Variants in GSDMB observed in about 807,000 individuals in gnomAD.
GSDMB encodes the protein gasdermin-B.
In GSDMB, 32 loss-of-function variants were observed where a neutral mutation model predicts 42.9. That is an observed-to-expected ratio of 0.75 (90% CI 0.56 to 1.00). The LOEUF (loss-of-function observed/expected upper bound fraction) is 1.00, where lower values mean the gene tolerates loss of function less well. Ranked by LOEUF, GSDMB falls within the 50% of genes least tolerant of loss-of-function variation. GSDMB has a pLI of 0.00. For missense variants in GSDMB, 468 were observed against 498.5 expected, an observed-to-expected ratio of 0.94 and a Z score of 0.58; for synonymous variants, 175 against 193.7, an observed-to-expected ratio of 0.90 and a Z score of 0.80.
In GSDMB at chr17:39,917,283, C is replaced by T. The variant is rs150365108; in HGVS notation, c.34G>A (p.Val12Ile). The change falls in exon 2 of 11, where the codon GTA becomes ATA. Residue 12 changes from valine (V) to isoleucine (I), a missense_variant. By Grantham distance (29) the Val-to-Ile change is conservative. Coordinates refer to ENST00000418519, the MANE Select transcript of GSDMB (RefSeq NM_001165958.2). ...CCTCCAGCATCCATCTCCTTAACTA[C>T]AATTCTTGTGATTTCCTCAAATACG... ...FSVFEEITRI[V>I]VKEMDAGGDM... is the part of the protein sequence containing the mutation. The T allele has an allele frequency of 2.5e-6, 4 of 1,613,552 alleles. No homozygotes were observed. Among genetic ancestry groups the T allele is most frequent in the East Asian group, 2.2e-5 (1 of 44,894 alleles).
chr17:39,917,439 G>A (rs2063733371), intron 1 of GSDMB, 109 bp from the exon 2 acceptor site: 1 of 679,160 alleles, frequency 1.5e-6, no homozygotes, highest in Non-Finnish European at 2.7e-6. Context: ...CCCAAGCTAA[G>A]CCATCATATT....
rs2063500766 is a variant in GSDMB, at chr17:39,906,134, T to C, written c.865A>G (p.Ile289Val). ...SLAKCLGKEDIRQDLEQRVSE... is the reference protein window; with the variant it reads ...SLAKCLGKEDVRQDLEQRVSE... ...ACTCTTTGCTCTAGATCCTGCCGAATATCCTCCTTGCCGAGGCACTTAGCG... is the reference window on the plus strand; with the variant it reads ...ACTCTTTGCTCTAGATCCTGCCGAACATCCTCCTTGCCGAGGCACTTAGCG... The change falls in exon 8 of 11, where the codon ATT becomes GTT. Residue 289 changes from isoleucine to valine, a missense_variant. Ile to Val is a conservative substitution (Grantham distance 29). Coordinates refer to ENST00000418519, the MANE Select transcript of GSDMB (RefSeq NM_001165958.2). 6.2e-7 allele frequency: 1 copy of C among 1,614,094 alleles called. No individual in the cohort carries two copies. The highest frequency in any genetic ancestry group is 1.7e-5 in the Admixed American group (1 of 60,000).
intron 1 of GSDMB, chr17:39,917,734 C>G (rs561867259): frequency 4.9e-6 from 1 of 205,478 alleles, no homozygotes; most frequent in African/African-American, 2.3e-5. Context: ...CTTTGCTGAC[C>G]CCTTTTTTGG....
intron 3 of GSDMB, among the ~76,000 whole-genome samples, chr17:39,911,649 C>T (rs1399368855): frequency 6.6e-6 from 1 of 152,192 alleles, no homozygotes; most frequent in East Asian, 1.9e-4. Flanking sequence ...CTCTTTCACT[C>T]AGTACCTACT....
intron 6 of GSDMB, chr17:39,907,399 C>A (rs1371948732): frequency 5.8e-6 from 1 of 171,640 alleles, no homozygotes; most frequent in Non-Finnish European, 1.2e-5. Context: ...TAGTCTCACT[C>A]CTTTAGTTTA....
At chr17:39,907,271 G>T in intron 6 of GSDMB, 1 of 1,140,282 alleles carries the variant, frequency 8.8e-7, no homozygotes, top group Non-Finnish European at 1.1e-6. Flanking sequence ...CCGCAAATTT[G>T]GGTCAGACTT....
At chr17:39,906,372 G>C (rs1236054886) in intron 7 of GSDMB, 101 bp from the exon 8 acceptor site, 4 of 1,135,144 alleles carry the variant, frequency 3.5e-6, no homozygotes, top group Middle Eastern at 2.0e-4. Context: ...CCACCTCTTT[G>C]TATCTTCCCT....
chr17:39,917,750 G>T, intron 1 of GSDMB: 1 of 202,766 alleles, frequency 4.9e-6, no homozygotes, highest in Non-Finnish European at 1.0e-5. Context: ...TTTGGACTCA[G>T]CTTGCCTGCA....
At position 39,908,168 on chromosome 17, in the gene GSDMB, T is replaced by A. The variant is rs2063538763; in HGVS notation, c.700+8A>T. The stretch of plus-strand genomic sequence containing the variant: ...AATGACGAACGGGAAGCCCAGCAGC[T>A]CACTCACCTTCTGGAAAGGATTTTG... On this transcript the variant is annotated splice_region_variant and intron_variant, in intron 6 of 10. Transcript: ENST00000418519. 1.4e-6 allele frequency: 2 copies of A among 1,456,172 alleles called. No individual in the cohort carries two copies. Among genetic ancestry groups the A allele is most frequent in the East Asian group, 4.9e-5 (2 of 40,732 alleles). 90.2% of individuals were successfully genotyped at this position (1,456,172 alleles called of 1,614,324 possible).
intron 7 of GSDMB, 37 bp from the exon 8 acceptor site, chr17:39,906,308 C>A (rs776708123): frequency 3.1e-6 from 5 of 1,603,694 alleles, no homozygotes; most frequent in Admixed American, 3.4e-5. Flanking sequence ...GGCCACCCAG[C>A]CCAAAAGGTT....
At chr17:39,906,696 C>CCA in intron 7 of GSDMB, 2 of 1,206,742 alleles carry the variant, frequency 1.7e-6, no homozygotes, top group Non-Finnish European at 2.2e-6. Flanking sequence ...GCCACACCCC[C>CCA]ACAATTAAGT....
chr17:39,904,939 C>T lies in GSDMB; in HGVS notation c.1124G>A (p.Trp375Ter), dbSNP rs544592816. 1.2e-6 allele frequency: 2 copies of T among 1,613,948 alleles called. No homozygotes were observed. The highest frequency in any genetic ancestry group is 2.7e-5 in the African/African-American group (2 of 75,008). Residue 375 changes from tryptophan to a stop codon, truncating the protein, a stop_gained, in exon 11 of 11, where the codon TGG becomes TAG. Coordinates refer to ENST00000418519, the MANE Select transcript of GSDMB (RefSeq NM_001165958.2). LOFTEE classifies it low-confidence loss of function (END_TRUNC). Reference sequence around the variant, plus strand: ...AGGAGGACTGCTGGCCAGCTCATCCCAGTTCTGCTCCATGACAGATTTCAC... The same window carrying T: ...AGGAGGACTGCTGGCCAGCTCATCCTAGTTCTGCTCCATGACAGATTTCAC... ...DQVKSVMEQN[W>*]DELASSPPDM...
chr17:39,917,105 T>C lies in GSDMB; in HGVS notation c.212A>G (p.Asp71Gly), dbSNP rs1251260649. Residue 71 changes from aspartate (D) to glycine (G), a missense_variant, in exon 2 of 11, where the codon GAT becomes GGT. Asp to Gly is a moderately conservative substitution (Grantham distance 94, BLOSUM62 -1). Transcript: ENST00000418519. Reference protein sequence around the residue: ...ILDTDGDKWLDELDSGLQGQK... With the variant: ...ILDTDGDKWLGELDSGLQGQK... The stretch of plus-strand genomic sequence containing the variant: ...ACCTTGGAGCCCAGAATCCAGTTCA[T>C]CTAACCACTTGTCCCCATCTGTGTC... 6.2e-7 allele frequency: 1 copy of C among 1,613,816 alleles called. No individual in the cohort carries two copies. The highest frequency in any genetic ancestry group is 8.5e-7 in the Non-Finnish European group (1 of 1,179,686).
intron 2 of GSDMB, among the ~76,000 whole-genome samples, chr17:39,913,508 G>A (rs1445395767): frequency 1.3e-5 from 2 of 152,170 alleles, no homozygotes; most frequent in Admixed American, 1.3e-4. Flanking sequence ...AGCTACTTGG[G>A]AGGCCGAGGC....
At chr17:39,906,077 C>G (rs756264131) in intron 8 of GSDMB, 34 bp downstream of exon 8, 3 of 1,613,584 alleles carry the variant, frequency 1.9e-6, no homozygotes, top group Non-Finnish European at 2.5e-6. Flanking sequence ...GCTCCTATCT[C>G]TCTCTGCCCC....
chr17:39,909,045 A>C lies in GSDMB; in HGVS notation c.577-3T>G, dbSNP rs759394791. The C allele has an allele frequency of 1.9e-6, 3 of 1,577,508 alleles. No homozygotes were observed. The highest frequency in any genetic ancestry group is 2.6e-6 in the Non-Finnish European group (3 of 1,158,858). On this transcript the variant is annotated splice_polypyrimidine_tract_variant and splice_region_variant and intron_variant, in intron 4 of 10. Coordinates refer to ENST00000418519, the MANE Select transcript of GSDMB (RefSeq NM_001165958.2). ...GGGATGGTCACTTCCCTTTGGCCCT[A>C]GAAAAAGGAGCTCACATTGACGGAT...
chr17:39,913,195 A>C (rs373791762), intron 2 of GSDMB, among the ~76,000 whole-genome samples: 1 of 152,250 alleles, frequency 6.6e-6, no homozygotes, highest in African/African-American at 2.4e-5. Flanking sequence ...GATGTAGTTA[A>C]GCACTTAACC....
At position 39,909,171 on chromosome 17, in the gene GSDMB, C is replaced by G. The variant is rs9909282; in HGVS notation, c.577-129G>C. 19,972 of 618,640 alleles carry G rather than the reference C, an allele frequency of 0.032. 2,482 individuals carry two copies. The highest frequency in any genetic ancestry group is 0.3 in the African/African-American group (15,415 of 52,190). The allele number at this position is 618,640 out of a possible 1,614,324, so 38.3% of individuals were successfully genotyped here. On this transcript the variant is annotated intron_variant, in intron 4 of 10. Transcript: ENST00000418519. ...TTATAGACGAGAAAACTGAGGCTCT[C>G]AGAGGTCAGCAGGTGAGACAGTCTC...
intron 7 of GSDMB, 161 bp downstream of exon 7, chr17:39,906,799 AG>A: frequency 6.8e-7 from 1 of 1,474,370 alleles, no homozygotes; most frequent in Non-Finnish European, 8.9e-7. Flanking sequence ...CTGTGTTTAG[AG>A]GAGACAGATG....
Sources: allele counts gnomAD v4.1 joint callset (sites outside exome capture counted in the v4.1 genomes callset), GRCh38; gene constraint gnomAD v4.1.1; transcripts MANE v1.5; gene names NCBI Gene and HGNC (gene_info 2026-07-23, HGNC 2026-07-21).